The following GABRA4 variants were observed in gnomAD, a reference collection of about 807,000 sequenced individuals.
The protein encoded by GABRA4 is gamma-aminobutyric acid type A receptor subunit alpha4.
A neutral mutation model predicts 49.7 loss-of-function variants in GABRA4; 12 were observed. The observed-to-expected ratio is 0.24, with a 90% CI of 0.15 to 0.39. The LOEUF (loss-of-function observed/expected upper bound fraction) is 0.39. Among genes scored for constraint, GABRA4 ranks in the 10% least tolerant of loss-of-function variants. The pLI is 1.00. For missense variants in GABRA4, 506 were observed against 686.0 expected, an observed-to-expected ratio of 0.74 and a Z score of 2.93; for synonymous variants, 288 against 240.2, an observed-to-expected ratio of 1.20 and a Z score of -1.84.
At chr4:46,952,514 TA>T in intron 8 of GABRA4, among the ~76,000 whole-genome samples, 1 of 152,072 alleles carries the variant, frequency 6.6e-6, no homozygotes, top group Non-Finnish European at 1.5e-5. Context: ...TTAAGTGAAA[TA>T]AAATAAGTCA....
intron 8 of GABRA4, among the ~76,000 whole-genome samples, chr4:46,940,719 A>G (rs1227721004): frequency 4.6e-5 from 7 of 152,086 alleles, no homozygotes; most frequent in Admixed American, 1.3e-4. Flanking sequence ...ATTGTTAAAC[A>G]GACACCCCCC....
At chr4:46,950,965 G>A (rs1198678006) in intron 8 of GABRA4, among the ~76,000 whole-genome samples, 1 of 151,778 alleles carries the variant, frequency 6.6e-6, no homozygotes, top group African/African-American at 2.4e-5. Context: ...GGGGCCCCAG[G>A]TATCCCTGAC....
At chr4:46,947,725 CAG>C (rs1459642707) in intron 8 of GABRA4, among the ~76,000 whole-genome samples, 1 of 152,030 alleles carries the variant, frequency 6.6e-6, no homozygotes, top group Non-Finnish European at 1.5e-5. Flanking sequence ...TAGCAAGAGG[CAG>C]AGTCATTATT....
At chr4:46,974,775 T>G (rs543031615) in intron 5 of GABRA4, among the ~76,000 whole-genome samples, 3 of 151,998 alleles carry the variant, frequency 2.0e-5, no homozygotes, top group South Asian at 4.1e-4. Flanking sequence ...ACCAATACCA[T>G]CCTAACACAG....
chr4:46,972,578 C>G lies in GABRA4; in HGVS notation c.722-1343G>C, dbSNP rs1379383589. 2.0e-5 allele frequency among the ~76,000 whole-genome samples: 3 copies of G among 151,618 alleles called. No homozygotes were observed. In the East Asian group the frequency reaches 5.9e-4, roughly 30 times the overall value. ...TATATACATCACCCCCAAAAGTTCC[C>G]TCCTTCTTATTTATTATCTTCTGTG... is the stretch of plus-strand genomic sequence containing the variant. On this transcript the variant is annotated intron_variant, in intron 6 of 8. Transcript: ENST00000264318.
At chr4:46,962,761 C>T (rs1402785877) in intron 8 of GABRA4, among the ~76,000 whole-genome samples, 1 of 151,772 alleles carries the variant, frequency 6.6e-6, no homozygotes, top group African/African-American at 2.4e-5. Flanking sequence ...AAAACAGACA[C>T]ATAGATCAAT....
At chr4:46,972,749 C>T (rs570242773) in intron 6 of GABRA4, among the ~76,000 whole-genome samples, 41 of 151,772 alleles carry the variant, frequency 2.7e-4, no homozygotes, top group Middle Eastern at 3.4e-3. Flanking sequence ...ACTAATACCT[C>T]GCTGTTTCCT....
intron 3 of GABRA4, among the ~76,000 whole-genome samples, chr4:46,978,558 A>G (rs1723229346): frequency 2.0e-5 from 3 of 151,512 alleles, no homozygotes; most frequent in African/African-American, 7.3e-5. Flanking sequence ...ACGGTGGGGC[A>G]TGCCTGCATT....
Position 46,984,722 on chromosome 4 carries a change from A to T in GABRA4, c.206-5624T>A, listed in dbSNP as rs1465528303. Among the ~76,000 whole-genome samples the T allele has an allele frequency of 3.3e-5, 5 of 152,158 alleles. No individual in the cohort carries two copies. The East Asian group carries it at 9.7e-4, about 29-fold the overall frequency. ...TTAAAACATAGTGAGAATCAGAAAA[A>T]TTCAAATCATTTCACAATAAAATGC... On this transcript the variant is annotated intron_variant, in intron 2 of 8. Transcript: ENST00000264318.
At chr4:46,979,222 T>C in intron 2 of GABRA4, 124 bp from the exon 3 acceptor site, 1 of 625,048 alleles carries the variant, frequency 1.6e-6, no homozygotes, top group Non-Finnish European at 2.8e-6. Flanking sequence ...TCTTACATTT[T>C]CAGTGAGATA....
intron 2 of GABRA4, among the ~76,000 whole-genome samples, chr4:46,981,208 A>G (rs2109398970): frequency 6.6e-6 from 1 of 152,234 alleles, no homozygotes; most frequent in East Asian, 1.9e-4. Context: ...GTGCTATAAA[A>G]TATTAATATC....
intron 2 of GABRA4, among the ~76,000 whole-genome samples, chr4:46,982,617 C>T (rs1360036398): frequency 6.6e-6 from 1 of 152,060 alleles, no homozygotes; most frequent in Non-Finnish European, 1.5e-5. Flanking sequence ...GAGCTTTCTT[C>T]TTCTGATATT....
At chr4:46,971,976 A>G (rs1282553359) in intron 6 of GABRA4, among the ~76,000 whole-genome samples, 1 of 150,972 alleles carries the variant, frequency 6.6e-6, no homozygotes, top group African/African-American at 2.4e-5. Context: ...TTTTACTGTT[A>G]CCTCTGAAAA....
chr4:46,925,636 T>C lies in GABRA4; in HGVS notation c.*2589A>G, dbSNP rs1721194519. 6.6e-6 allele frequency: 1 copy of C among 151,272 alleles called. No homozygotes were observed. Among genetic ancestry groups the C allele is most frequent in the Non-Finnish European group, 1.5e-5 (1 of 67,660 alleles). The allele number at this position is 151,272 out of a possible 1,614,324, so 9.4% of individuals were successfully genotyped here. A position where few individuals can be genotyped will look rare whatever the true frequency, so the allele number is the denominator to read the frequency against. ...TTTTACTTGATGTACCTCTGGGTTA[T>C]TGGGAAGATAGAAATAATGACCAAA... On this transcript the variant is annotated 3_prime_UTR_variant, in exon 9 of 9. Coordinates refer to ENST00000264318, the MANE Select transcript of GABRA4 (RefSeq NM_000809.4).
Position 46,920,571 on chromosome 4 carries a change from G to A in GABRA4, c.*7654C>T, listed in dbSNP as rs981121282. The A allele has an allele frequency of 6.6e-6, 1 of 151,324 alleles. No homozygotes were observed. The highest frequency in any genetic ancestry group is 2.4e-5 in the African/African-American group (1 of 41,306). 9.4% of individuals were successfully genotyped at this position (151,324 alleles called of 1,614,324 possible). A position where few individuals can be genotyped will look rare whatever the true frequency, so the allele number is the denominator to read the frequency against. ...TCATATATGATCTGCAAAATTCAAG[G>A]GAGAATTTTTATCAAATTGTGTAAA... On this transcript the variant is annotated 3_prime_UTR_variant, in exon 9 of 9. Transcript: ENST00000264318.
At chr4:46,947,278 T>C (rs150548012) in intron 8 of GABRA4, among the ~76,000 whole-genome samples, 1 of 152,210 alleles carries the variant, frequency 6.6e-6, no homozygotes, top group African/African-American at 2.4e-5. Flanking sequence ...CCCATTCCCC[T>C]AAGGCACTTG....
At chr4:46,993,280 C>CG (rs1227062166) in intron 1 of GABRA4, 59 bp downstream of exon 1, 103 of 1,457,204 alleles carry the variant, frequency 7.1e-5, no homozygotes, top group Non-Finnish European at 9.1e-5. Flanking sequence ...AAAGGGGTCC[C>CG]GGAGCTAGCC....
intron 8 of GABRA4, among the ~76,000 whole-genome samples, chr4:46,934,347 T>C (rs559559369): frequency 2.6e-4 from 39 of 152,108 alleles, no homozygotes; most frequent in Non-Finnish European, 5.4e-4. Context: ...AGAACTAAAC[T>C]CCAAGGTAAT....
At chr4:46,933,469 T>G (rs909051910) in intron 8 of GABRA4, among the ~76,000 whole-genome samples, 2 of 152,162 alleles carry the variant, frequency 1.3e-5, no homozygotes, top group Non-Finnish European at 2.9e-5. Flanking sequence ...TATCATATCC[T>G]ACATAAAGGA....
Sources: gnomAD v4.1 joint callset for allele counts (sites outside exome capture counted in the v4.1 genomes callset) on GRCh38, gnomAD v4.1.1 for gene constraint, MANE v1.5 for transcripts, NCBI Gene and HGNC (gene_info 2026-07-23, HGNC 2026-07-21) for gene names.